PTPN13: variants seen among roughly 807,000 people sequenced by gnomAD.
PTPN13 encodes tyrosine-protein phosphatase non-receptor type 13.
Under a neutral mutation model 284.0 loss-of-function variants are expected in PTPN13, and 191 were observed. That is an observed-to-expected ratio of 0.67 (90% CI 0.60 to 0.76). PTPN13 has a LOEUF of 0.76. Ranked by LOEUF, PTPN13 falls within the 30% of genes least tolerant of loss-of-function variation. PTPN13 has a pLI of 0.00. For missense variants in PTPN13, 2,797 were observed against 2,939.9 expected, an observed-to-expected ratio of 0.95 and a Z score of 1.12; for synonymous variants, 986 against 1,022.3, an observed-to-expected ratio of 0.96 and a Z score of 0.68.
At chr4:86,636,203 T>C (rs956705662) in intron 2 of PTPN13, among the ~76,000 whole-genome samples, 1 of 152,122 alleles carries the variant, frequency 6.6e-6, no homozygotes, top group Non-Finnish European at 1.5e-5. Flanking sequence ...TAGAATAATA[T>C]ATGCATCCGT....
rs770948892 is a variant in PTPN13 at position 86,758,331 on chromosome 4, G to A, written c.3295G>A (p.Asp1099Asn). The A allele has an allele frequency of 2.5e-5, 40 of 1,610,194 alleles. No individual in the cohort carries two copies. The highest frequency in any genetic ancestry group is 3.2e-5 in the Non-Finnish European group (38 of 1,177,612). Reference protein sequence around the residue: ...REITLVNLKKDAKYGLGFQII... With the variant: ...REITLVNLKKNAKYGLGFQII... ...GATCACCTTAGTGAACCTGAAAAAA[G>A]ATGCAAAGTATGGCTTGGGTAAGTC... The change falls in exon 21 of 48, where the codon GAT becomes AAT. Residue 1099 changes from aspartate (D) to asparagine (N), a missense_variant. Physicochemically the swap from Asp to Asn is conservative, Grantham distance 23. Transcript: ENST00000411767.
chr4:86,637,824 GGC>G (rs1181362725), intron 2 of PTPN13, among the ~76,000 whole-genome samples: 1 of 143,674 alleles, frequency 7.0e-6, no homozygotes, highest in Non-Finnish European at 1.5e-5. Flanking sequence ...TGGAAGTTCT[GGC>G]CAGGGCAATT....
chr4:86,701,658 T>G lies in PTPN13; in HGVS notation c.1052T>G (p.Leu351Trp), dbSNP rs762501907. The G allele has an allele frequency of 3.7e-6, 6 of 1,613,800 alleles. No homozygotes were observed. Among genetic ancestry groups the G allele is most frequent in the Non-Finnish European group, 5.1e-6 (6 of 1,179,856 alleles). The stretch of plus-strand genomic sequence containing the variant: ...AGATACTCAGATGGAAGTATAGCCT[T>G]GGATATCTTTGGCCCTCAGAAAATG... ...EARYSDGSIA[L>W]DIFGPQKMDP... Residue 351 changes from leucine (L) to tryptophan (W), a missense_variant, in exon 7 of 48, where the codon TTG becomes TGG. Leu to Trp is a moderately conservative substitution (Grantham distance 61). Coordinates refer to ENST00000411767, the MANE Select transcript of PTPN13 (RefSeq NM_080683.3).
Position 86,732,359 on chromosome 4 carries a change from TA to T in PTPN13, c.1609-38del, listed in dbSNP as rs772936954. 4 of 1,437,494 alleles carry T rather than the reference TA, an allele frequency of 2.8e-6. No homozygotes were observed. In the African/African-American group the frequency reaches 5.8e-5, roughly 21 times the overall value. The allele number at this position is 1,437,494 out of a possible 1,614,324, so 89.0% of individuals were successfully genotyped here. ...TTTCCTTTCAAGGAAAAAACTAGAA[TA>T]AATAGTAAAAAATATTGATTCTGCT... On this transcript the variant is annotated intron_variant, in intron 10 of 47. Coordinates refer to ENST00000411767, the MANE Select transcript of PTPN13 (RefSeq NM_080683.3).
intron 17 of PTPN13, among the ~76,000 whole-genome samples, chr4:86,745,913 C>A (rs1221940431): frequency 6.6e-6 from 1 of 151,864 alleles, no homozygotes; most frequent in African/African-American, 2.4e-5. Flanking sequence ...AAAAATAATG[C>A]AAGTAGTTTG....
intron 41 of PTPN13, among the ~76,000 whole-genome samples, chr4:86,797,874 G>A (rs558903138): frequency 1.3e-5 from 2 of 151,690 alleles, no homozygotes; most frequent in African/African-American, 4.8e-5. Context: ...ATGAGGGAAA[G>A]GGTTTTTATC....
chr4:86,769,426 A>G (rs1205559852), intron 28 of PTPN13, among the ~76,000 whole-genome samples: 1 of 152,116 alleles, frequency 6.6e-6, no homozygotes, highest in Non-Finnish European at 1.5e-5. Flanking sequence ...CGGCCTCCCA[A>G]AGTACTGGGG....
At chr4:86,666,220 A>G (rs1379602244) in intron 2 of PTPN13, among the ~76,000 whole-genome samples, 1 of 152,200 alleles carries the variant, frequency 6.6e-6, no homozygotes, top group African/African-American at 2.4e-5. Context: ...GAAGTCAGCT[A>G]CTATAAAAAG....
intron 2 of PTPN13, among the ~76,000 whole-genome samples, chr4:86,646,572 A>G (rs888404790): frequency 2.0e-5 from 3 of 152,262 alleles, no homozygotes; most frequent in Non-Finnish European, 4.4e-5. Flanking sequence ...TGCTGGGATG[A>G]CAGGCACGAG....
intron 7 of PTPN13, among the ~76,000 whole-genome samples, chr4:86,715,325 A>G (rs898599765): frequency 1.6e-4 from 24 of 152,152 alleles, no homozygotes; most frequent in African/African-American, 5.6e-4. Flanking sequence ...GATTATATAT[A>G]TGTATGTGTG....
At chr4:86,711,227 T>C (rs961222112) in intron 7 of PTPN13, among the ~76,000 whole-genome samples, 1 of 151,070 alleles carries the variant, frequency 6.6e-6, no homozygotes, top group Admixed American at 6.6e-5. Flanking sequence ...GTAAGCAGGC[T>C]GGTCTCAAAC....
rs561615333 is a variant in PTPN13, at chr4:86,637,936, G to A, written c.115+2565G>A. 4.6e-5 allele frequency among the ~76,000 whole-genome samples: 7 copies of A among 151,646 alleles called. No individual in the cohort carries two copies. In the South Asian group the frequency reaches 6.3e-4, roughly 14 times the overall value. Reference sequence around the variant, plus strand: ...GATTGTATATCTAGAAAACCCCATCGTCTCAGCCCAAAATCTCCTTAAGCT... The same window carrying A: ...GATTGTATATCTAGAAAACCCCATCATCTCAGCCCAAAATCTCCTTAAGCT... On this transcript the variant is annotated intron_variant, in intron 2 of 47. Transcript: ENST00000411767.
At chr4:86,608,054 A>G (rs1764948893) in intron 1 of PTPN13, among the ~76,000 whole-genome samples, 1 of 152,068 alleles carries the variant, frequency 6.6e-6, no homozygotes, top group African/African-American at 2.4e-5. Flanking sequence ...TTAGATTGAT[A>G]AGGAGCTTTT....
rs1157449598 is a variant in PTPN13, at chr4:86,766,338, G to A, written c.4244-94G>A. The A allele has an allele frequency of 4.2e-6, 4 of 953,356 alleles. No homozygotes were observed. In the African/African-American group the frequency reaches 5.1e-5, roughly 12 times the overall value. The allele number at this position is 953,356 out of a possible 1,614,324, so 59.1% of individuals were successfully genotyped here. ...ACAATTTCTTCCAGAATTTGCCTGA[G>A]TCCCTCCTCAAACAAATGAATACGA... On this transcript the variant is annotated intron_variant, in intron 26 of 47. Transcript: ENST00000411767.
chr4:86,770,761 A>T (rs1404221927), intron 30 of PTPN13, among the ~76,000 whole-genome samples: 6 of 152,212 alleles, frequency 3.9e-5, no homozygotes, highest in Non-Finnish European at 7.4e-5. Context: ...AAATTTACAT[A>T]CAAAGAAGTT....
chr4:86,748,093 T>C (rs1312064509), intron 17 of PTPN13, among the ~76,000 whole-genome samples: 1 of 152,218 alleles, frequency 6.6e-6, no homozygotes, highest in Non-Finnish European at 1.5e-5. Context: ...TTATTGAGCA[T>C]TTACTATTTA....
chr4:86,775,063 C>A, intron 33 of PTPN13, 108 bp from the exon 34 acceptor site: 1 of 739,112 alleles, frequency 1.4e-6, no homozygotes, highest in Non-Finnish European at 2.1e-6. Flanking sequence ...GAATCTCTTA[C>A]TAGCTAATAT....
At chr4:86,672,602 A>T (rs1727835984) in intron 3 of PTPN13, 59 bp downstream of exon 3, 5 of 1,329,316 alleles carry the variant, frequency 3.8e-6, no homozygotes, top group Admixed American at 2.2e-5. Flanking sequence ...TCAAATAAAG[A>T]CAATGGGCTA....
intron 7 of PTPN13, 31 bp downstream of exon 7, chr4:86,701,832 A>G: frequency 1.3e-6 from 2 of 1,532,864 alleles, no homozygotes; most frequent in Non-Finnish European, 1.8e-6. Flanking sequence ...TTGAGAAAGA[A>G]TTGAAGTATT....
Sources: gnomAD v4.1 joint callset for allele counts (sites outside exome capture counted in the v4.1 genomes callset) on GRCh38, gnomAD v4.1.1 for gene constraint, MANE v1.5 for transcripts, NCBI Gene and HGNC (gene_info 2026-07-23, HGNC 2026-07-21) for gene names.